Variants in KIRREL3 observed in about 807,000 individuals in gnomAD.
KIRREL3 encodes kin of IRRE-like protein 3.
A neutral mutation model predicts 89.7 loss-of-function variants in KIRREL3; 36 were observed. The observed-to-expected ratio is 0.40, with a 90% CI of 0.31 to 0.53. The LOEUF is 0.53. Among genes scored for constraint, KIRREL3 ranks in the 20% least tolerant of loss-of-function variants. The pLI is 0.49. For missense variants in KIRREL3, 864 were observed against 1,056.6 expected (o/e 0.82, Z 2.53); for synonymous variants, 445 against 441.4 (o/e 1.01, Z -0.10).
At chr11:126,712,920 G>A (rs2134149847) in intron 1 of KIRREL3, among the ~76,000 whole-genome samples, 1 of 152,328 alleles carries the variant, frequency 6.6e-6, no homozygotes, top group African/African-American at 2.4e-5. Context: ...GAGTGCCTTC[G>A]AAGCTCTGGC....
Position 126,429,376 on chromosome 11 carries a change from T to C in KIRREL3, c.1697-88A>G. 1.2e-6 allele frequency: 1 copy of C among 850,620 alleles called. No individual in the cohort carries two copies. Among genetic ancestry groups the C allele is most frequent in the Non-Finnish European group, 1.9e-6 (1 of 513,778 alleles). The allele number at this position is 850,620 out of a possible 1,614,324, so 52.7% of individuals were successfully genotyped here. ...CCCTTGCAGTCCCCTGCCCCTGCCC[T>C]GCCACCCTCTGCATTTCCCCTCCAG... On this transcript the variant is annotated intron_variant, in intron 14 of 16. Coordinates refer to ENST00000525144, the MANE Select transcript of KIRREL3 (RefSeq NM_032531.4). This position sits in a 1 kb window ranked among gnomAD's most constrained non-coding sequence, Gnocchi z 5.2.
intron 1 of KIRREL3, among the ~76,000 whole-genome samples, chr11:126,671,163 T>C (rs906138315): frequency 6.6e-6 from 1 of 151,654 alleles, no homozygotes; most frequent in Admixed American, 6.6e-5. Flanking sequence ...ATATAAAACA[T>C]GAAACAATAA....
intron 1 of KIRREL3, among the ~76,000 whole-genome samples, chr11:126,673,738 T>C (rs1946062592): frequency 6.6e-6 from 1 of 152,108 alleles, no homozygotes; most frequent in Non-Finnish European, 1.5e-5. Flanking sequence ...AAAGTCTAGG[T>C]TGGGTCTGTA....
chr11:126,971,977 A>G (rs891016972), intron 1 of KIRREL3, among the ~76,000 whole-genome samples: 24 of 152,286 alleles, frequency 1.6e-4, no homozygotes, highest in African/African-American at 4.6e-4. Flanking sequence ...CCTTTATCCA[A>G]TTCATAACTA....
intron 1 of KIRREL3, among the ~76,000 whole-genome samples, chr11:126,567,500 A>T (rs936042135): frequency 1.3e-5 from 2 of 152,200 alleles, no homozygotes; most frequent in Non-Finnish European, 2.9e-5. Context: ...CTAGCAAATG[A>T]ATATAGACAG....
chr11:126,511,185 G>A (rs112855884), intron 4 of KIRREL3, among the ~76,000 whole-genome samples: 3,666 of 152,072 alleles, frequency 0.024, 172 homozygotes, highest in African/African-American at 0.083. Context: ...CAGGCCAGGC[G>A]CAGTGGCTCA....
intron 15 of KIRREL3, among the ~76,000 whole-genome samples, chr11:126,426,323 G>A (rs1954939089): frequency 6.6e-6 from 1 of 152,186 alleles, no homozygotes; most frequent in Non-Finnish European, 1.5e-5. Flanking sequence ...AACTTCCTTA[G>A]AGATGCCAAA....
chr11:126,929,838 C>T (rs746615838), intron 1 of KIRREL3, among the ~76,000 whole-genome samples: 4 of 152,298 alleles, frequency 2.6e-5, no homozygotes, highest in Admixed American at 6.5e-5. Flanking sequence ...TGCTCCTCTG[C>T]GCTCTCTTTC....
intron 1 of KIRREL3, among the ~76,000 whole-genome samples, chr11:126,835,178 G>C (rs1943737704): frequency 6.6e-6 from 1 of 152,188 alleles, no homozygotes; most frequent in Non-Finnish European, 1.5e-5. Context: ...ACAAAGAAGA[G>C]CTGCTTTAGG....
intron 1 of KIRREL3, among the ~76,000 whole-genome samples, chr11:126,982,915 C>T (rs188244382): frequency 6.6e-6 from 1 of 152,284 alleles, no homozygotes; most frequent in East Asian, 1.9e-4. Context: ...ACTAATAAAG[C>T]CAAAGTAAAT....
At chr11:126,699,156 GT>G (rs1247154925) in intron 1 of KIRREL3, among the ~76,000 whole-genome samples, 2 of 152,224 alleles carry the variant, frequency 1.3e-5, no homozygotes, top group Admixed American at 6.5e-5. Context: ...GGTGGTGGCA[GT>G]GGGTGCCACG....
At chr11:126,447,228 C>G (rs149888833) in intron 8 of KIRREL3, among the ~76,000 whole-genome samples, 1 of 152,328 alleles carries the variant, frequency 6.6e-6, no homozygotes, top group East Asian at 1.9e-4. Context: ...CTGTCTGGAT[C>G]ACGCCCGGTG....
chr11:126,676,030 A>G lies in KIRREL3; in HGVS notation c.56-113118T>C, dbSNP rs892690202. 5.3e-5 allele frequency among the ~76,000 whole-genome samples: 8 copies of G among 152,166 alleles called. No individual in the cohort carries two copies. Among genetic ancestry groups the G allele is most frequent in the African/African-American group, 1.4e-4 (6 of 41,410 alleles). On this transcript the variant is annotated intron_variant, in intron 1 of 16. Transcript: ENST00000525144. The surrounding 1 kb of genome is among the most constrained non-coding windows in gnomAD (Gnocchi z 4.5). ...TGATGATGTTAACACCAAGAATAAG[A>G]AATCCAGTAGGAGGGAGAAGTTTGA...
chr11:126,801,060 T>C (rs561679547), intron 1 of KIRREL3, among the ~76,000 whole-genome samples: 1 of 152,182 alleles, frequency 6.6e-6, no homozygotes. Context: ...TCCAATCCCA[T>C]TGGGCTTTCT....
In KIRREL3 at chr11:126,923,110, C is replaced by T. The variant is rs1472258194; in HGVS notation, c.55+77345G>A. 2.9e-5 allele frequency among the ~76,000 whole-genome samples: 2 copies of T among 68,418 alleles called. 1 individual carries two copies. The highest frequency in any genetic ancestry group is 1.8e-4 in the African/African-American group (2 of 10,990). 44.9% of individuals were successfully genotyped at this position (68,418 alleles called of 152,430 possible). On this transcript the variant is annotated intron_variant, in intron 1 of 16. Transcript: ENST00000525144. ...ATCTTCTTCTTCTTCTTCTCCTTCTCCTTCTCCTTCTCCTTCTTCTCTTCT... is the reference window on the plus strand; with the variant it reads ...ATCTTCTTCTTCTTCTTCTCCTTCTTCTTCTCCTTCTCCTTCTTCTCTTCT...
chr11:126,543,538 G>T (rs1178956290), intron 2 of KIRREL3, among the ~76,000 whole-genome samples: 1 of 152,090 alleles, frequency 6.6e-6, no homozygotes, highest in African/African-American at 2.4e-5. Context: ...CCCAACAGTA[G>T]CCGGTCAGCA....
chr11:126,646,207 G>A lies in KIRREL3; in HGVS notation c.56-83295C>T, dbSNP rs950386522. 4.6e-5 allele frequency among the ~76,000 whole-genome samples: 7 copies of A among 152,014 alleles called. 1 individual carries two copies. The highest frequency in any genetic ancestry group is 1.3e-4 in the Admixed American group (2 of 15,264). On this transcript the variant is annotated intron_variant, in intron 1 of 16. Coordinates refer to ENST00000525144, the MANE Select transcript of KIRREL3 (RefSeq NM_032531.4). ...TGTACCTTCGAGTCAGCACTGAATC[G>A]GTCTGGGTTTGTGCTCTAGCATCTG...
In KIRREL3 at chr11:126,693,284, G is replaced by A. The variant is rs992733088; in HGVS notation, c.56-130372C>T. ...AATACAAAAAAAATTAGCCGGGCGT[G>A]GTGGCGCGCACCTGTAATCCCAGCT... On this transcript the variant is annotated intron_variant, in intron 1 of 16. Coordinates refer to ENST00000525144, the MANE Select transcript of KIRREL3 (RefSeq NM_032531.4). Among the ~76,000 whole-genome samples, 4 of 152,190 alleles carry A rather than the reference G, an allele frequency of 2.6e-5. No homozygotes were observed. In the East Asian group the frequency reaches 5.8e-4, roughly 22 times the overall value.
At chr11:126,886,145 C>A (rs895522285) in intron 1 of KIRREL3, among the ~76,000 whole-genome samples, 1 of 152,126 alleles carries the variant, frequency 6.6e-6, no homozygotes, top group African/African-American at 2.4e-5. Flanking sequence ...GGTTTTGACC[C>A]ACGAATACTT....
Sources: gnomAD v4.1 joint callset for allele counts (sites outside exome capture counted in the v4.1 genomes callset) on GRCh38, gnomAD v4.1.1 for gene constraint, Gnocchi (gnomAD v3.1) non-coding constraint, MANE v1.5 for transcripts, NCBI Gene and HGNC (gene_info 2026-07-23, HGNC 2026-07-21) for gene names.